The following PDZD9 variants were observed in gnomAD, a reference collection of about 807,000 sequenced individuals.
PDZD9 encodes the protein PDZ domain-containing protein 9.
In PDZD9, 13 loss-of-function variants were observed where a neutral mutation model predicts 16.3. The observed-to-expected ratio is 0.80, with a 90% CI of 0.52 to 1.27. The LOEUF (loss-of-function observed/expected upper bound fraction) is 1.27, where lower values mean the gene tolerates loss of function less well. Among genes scored for constraint, PDZD9 ranks in the 50% most tolerant of loss-of-function variants. PDZD9 has a pLI of 0.00. For missense variants in PDZD9, 288 were observed against 310.9 expected, an observed-to-expected ratio of 0.93 and a Z score of 0.55; for synonymous variants, 120 against 111.0, an observed-to-expected ratio of 1.08 and a Z score of -0.51.
the PDZD9 span, among the ~76,000 whole-genome samples, chr16:21,964,014 G>A: frequency 6.6e-6 from 1 of 151,934 alleles, no homozygotes. Flanking sequence ...GTAAGCAAGC[G>A]CCGCTGACTC....
At chr16:21,983,318 G>C, downstream of PDZD9, 1 of 641,974 alleles carries the variant, frequency 1.6e-6, no homozygotes, top group Non-Finnish European at 2.6e-6. Context: ...ATTCCCAGCT[G>C]ACCTAAAGTC....
the PDZD9 span, among the ~76,000 whole-genome samples, chr16:21,975,361 AG>A: frequency 6.6e-6 from 1 of 152,298 alleles, no homozygotes. Context: ...TCGGGGTCTT[AG>A]AATTGAGGGC....
chr16:21,974,540 C>G, the PDZD9 span, among the ~76,000 whole-genome samples: 59 of 152,236 alleles, frequency 3.9e-4, no homozygotes, highest in Admixed American at 7.8e-4. Flanking sequence ...TTTCAGCAAG[C>G]TAGGACATCA....
rs1030251560 is a variant in PDZD9 at position 21,988,674 on chromosome 16, T to C, written c.329A>G (p.Asp110Gly). ...GTVLQIKVYR[D>G]FINIPEEWQE... ...CCATTCTTCAGGAATGTTAATAAAATCTCGGTAAACCTTGATTTGTAGCAC... is the reference window on the plus strand; with the variant it reads ...CCATTCTTCAGGAATGTTAATAAAACCTCGGTAAACCTTGATTTGTAGCAC... The change falls in exon 3 of 4, where the codon GAT becomes GGT. Residue 110 changes from aspartate (D) to glycine (G), a missense_variant. Coordinates refer to ENST00000424898, the MANE Select transcript of PDZD9 (RefSeq NM_001363519.1). 2.5e-6 allele frequency: 4 copies of C among 1,613,334 alleles called. No individual in the cohort carries two copies. Among genetic ancestry groups the C allele is most frequent in the African/African-American group, 2.7e-5 (2 of 74,916 alleles).
the PDZD9 span, among the ~76,000 whole-genome samples, chr16:21,972,532 A>G: frequency 1.3e-5 from 2 of 152,190 alleles, no homozygotes; most frequent in Non-Finnish European, 2.9e-5. Flanking sequence ...GATGAACACC[A>G]AGAAATTGTT....
At chr16:21,968,829 T>C in the PDZD9 span, 1 of 558,118 alleles carries the variant, frequency 1.8e-6, no homozygotes, top group African/African-American at 1.9e-5. Context: ...CATAGGATTT[T>C]AATTGCTAGT....
chr16:21,982,262 A>G (rs1325511097), downstream of PDZD9, among the ~76,000 whole-genome samples: 5 of 152,096 alleles, frequency 3.3e-5, no homozygotes, highest in Admixed American at 1.3e-4. Context: ...CTGACAGAAT[A>G]TGGGGGCTGC....
chr16:21,983,214 G>T (rs1053977610), downstream of PDZD9: 1 of 1,548,262 alleles, frequency 6.5e-7, no homozygotes, highest in African/African-American at 1.4e-5. Context: ...CGTTCTCTCA[G>T]CCCAGAGCAG....
At chr16:21,990,917 T>C (rs551706748) in intron 2 of PDZD9, among the ~76,000 whole-genome samples, 3 of 152,236 alleles carry the variant, frequency 2.0e-5, no homozygotes, top group Non-Finnish European at 4.4e-5. Flanking sequence ...TTCGTACTTA[T>C]GAACACCAAC....
the PDZD9 span, among the ~76,000 whole-genome samples, chr16:21,974,754 C>T: frequency 7.9e-5 from 12 of 152,190 alleles, no homozygotes; most frequent in African/African-American, 2.6e-4. Flanking sequence ...GAGCAGATAT[C>T]GGAGATAGAA....
chr16:21,983,193 A>G, downstream of PDZD9: 1 of 1,604,274 alleles, frequency 6.2e-7, no homozygotes, highest in Admixed American at 1.7e-5. Context: ...ACATTACAGG[A>G]GAGAGCTGAA....
At chr16:21,988,125 A>T (rs896410333) in intron 3 of PDZD9, among the ~76,000 whole-genome samples, 1 of 147,778 alleles carries the variant, frequency 6.8e-6, no homozygotes, top group Non-Finnish European at 1.5e-5. Flanking sequence ...CTCCTGCCTC[A>T]GCCTCCCGAA....
At chr16:21,993,782 A>C (rs763828962) in intron 2 of PDZD9, among the ~76,000 whole-genome samples, 3 of 152,180 alleles carry the variant, frequency 2.0e-5, no homozygotes, top group Non-Finnish European at 4.4e-5. Context: ...ACACACATGC[A>C]AAAGTCTAGA....
Sources: allele counts gnomAD v4.1 joint callset (sites outside exome capture counted in the v4.1 genomes callset), GRCh38; gene constraint gnomAD v4.1.1; transcripts MANE v1.5; gene names NCBI Gene and HGNC (gene_info 2026-07-23, HGNC 2026-07-21).